The following MYO5B variants were observed in gnomAD, a reference collection of about 807,000 sequenced individuals.
MYO5B encodes the protein myosin VB, also known as unconventional myosin-Vb.
In MYO5B, 143 loss-of-function variants were observed where a neutral mutation model predicts 229.3. The ratio of observed to expected loss-of-function variants is 0.62; its 90% confidence interval spans 0.54 to 0.72. The LOEUF (loss-of-function observed/expected upper bound fraction) is 0.72, where lower values mean the gene tolerates loss of function less well. Ranked by LOEUF, MYO5B falls within the 30% of genes least tolerant of loss-of-function variation. The probability of loss-of-function intolerance (pLI) is 0.00; values close to 1 mark genes in which losing one functional copy is unlikely to be tolerated. For missense variants in MYO5B, 2,321 were observed against 2,331.0 expected (o/e 1.00, Z 0.09); for synonymous variants, 918 against 885.2 (o/e 1.04, Z -0.66).
intron 14 of MYO5B, among the ~76,000 whole-genome samples, chr18:49,951,080 C>A (rs79204072): frequency 6.6e-6 from 1 of 152,288 alleles, no homozygotes; most frequent in African/African-American, 2.4e-5. Context: ...CTCAGGTGAC[C>A]TTCCCTGGTA....
rs1181804237 is a variant in MYO5B at position 50,159,156 on chromosome 18, G to A, written c.27+35611C>T. Among the ~76,000 whole-genome samples, 5 of 152,202 alleles carry A rather than the reference G, an allele frequency of 3.3e-5. No homozygotes were observed. In the East Asian group the frequency reaches 9.7e-4, roughly 29 times the overall value. ...GAAAATAAACAGACCTAGTTGAGAA[G>A]GTGCACAGCCAGCCTCAAAGGTTAA... On this transcript the variant is annotated intron_variant, in intron 1 of 39. Coordinates refer to ENST00000285039, the MANE Select transcript of MYO5B (RefSeq NM_001080467.3).
chr18:50,148,909 T>C (rs1335942708), intron 1 of MYO5B, among the ~76,000 whole-genome samples: 2 of 152,340 alleles, frequency 1.3e-5, no homozygotes, highest in East Asian at 3.9e-4. Flanking sequence ...TGTTTGCAGA[T>C]GAAATGATTG....
intron 18 of MYO5B, among the ~76,000 whole-genome samples, chr18:49,911,445 A>G (rs2024956539): frequency 6.6e-6 from 1 of 152,222 alleles, no homozygotes; most frequent in Non-Finnish European, 1.5e-5. Flanking sequence ...CTCTAGATAA[A>G]CAAATGAAAA....
chr18:50,136,036 A>AAT (rs760161799), intron 1 of MYO5B, among the ~76,000 whole-genome samples: 1 of 152,242 alleles, frequency 6.6e-6, no homozygotes, highest in Non-Finnish European at 1.5e-5. Context: ...ACACAGCCTG[A>AAT]ATGCAGCAGG....
At chr18:49,844,946 G>A (rs1420772077) in intron 33 of MYO5B, among the ~76,000 whole-genome samples, 2 of 152,220 alleles carry the variant, frequency 1.3e-5, no homozygotes, top group East Asian at 1.9e-4. Flanking sequence ...GAGGTAGGTG[G>A]TCGGCAGTCA....
chr18:50,021,293 C>A (rs1280562169), intron 4 of MYO5B, among the ~76,000 whole-genome samples: 1 of 152,160 alleles, frequency 6.6e-6, no homozygotes, highest in African/African-American at 2.4e-5. Flanking sequence ...GCTAGAAGCA[C>A]AGGTTCTCCA....
intron 1 of MYO5B, among the ~76,000 whole-genome samples, chr18:50,116,338 T>G (rs527984684): frequency 6.6e-6 from 1 of 152,180 alleles, no homozygotes; most frequent in Non-Finnish European, 1.5e-5. Flanking sequence ...GCAGTCAGTC[T>G]GTAGAAGAAC....
chr18:49,904,944 C>A, intron 19 of MYO5B, 116 bp from the exon 20 acceptor site: 1 of 1,274,830 alleles, frequency 7.8e-7, no homozygotes, highest in Non-Finnish European at 1.1e-6. Context: ...TACCTGGACA[C>A]ACCCAGGGGA....
At chr18:50,181,946 A>T (rs78595862) in intron 1 of MYO5B, among the ~76,000 whole-genome samples, 13,893 of 152,262 alleles carry the variant, frequency 0.091, 992 homozygotes, top group African/African-American at 0.2. Context: ...ATGGGATAAG[A>T]TAAGGCAATT....
Position 49,877,750 on chromosome 18 carries a change from C to G in MYO5B, c.3396+13G>C. 6.2e-7 allele frequency: 1 copy of G among 1,613,890 alleles called. No individual in the cohort carries two copies. The highest frequency in any genetic ancestry group is 8.5e-7 in the Non-Finnish European group (1 of 1,179,852). ...CTGGAGGAGGACAGTACCCAAGAGCCTGCATCACTCACCTCCACCTGCTGG... is the reference window on the plus strand; with the variant it reads ...CTGGAGGAGGACAGTACCCAAGAGCGTGCATCACTCACCTCCACCTGCTGG... On this transcript the variant is annotated intron_variant, in intron 25 of 39. Coordinates refer to ENST00000285039, the MANE Select transcript of MYO5B (RefSeq NM_001080467.3).
intron 7 of MYO5B, among the ~76,000 whole-genome samples, chr18:49,989,561 G>A (rs745810274): frequency 6.6e-5 from 10 of 152,040 alleles, no homozygotes; most frequent in Non-Finnish European, 1.5e-4. Context: ...TGTGCCTGAA[G>A]ACTCAGCAGC....
chr18:49,853,761 A>C, intron 30 of MYO5B, 114 bp from the exon 31 acceptor site: 1 of 966,786 alleles, frequency 1.0e-6, no homozygotes, highest in Non-Finnish European at 1.6e-6. Context: ...CAGCGGTTGC[A>C]CATCCCCCAG....
chr18:50,076,003 C>T (rs41434445), intron 1 of MYO5B, among the ~76,000 whole-genome samples: 1,552 of 152,324 alleles, frequency 0.01, 29 homozygotes, highest in African/African-American at 0.034. Context: ...TTTGAATCCA[C>T]GAAGGCCTCA....
intron 1 of MYO5B, among the ~76,000 whole-genome samples, chr18:50,134,510 G>A (rs1337667561): frequency 7.9e-5 from 12 of 151,900 alleles, no homozygotes; most frequent in East Asian, 7.7e-4. Flanking sequence ...AGCCGAGATC[G>A]CGCCATTGCA....
At chr18:50,086,393 G>A (rs12185480) in intron 1 of MYO5B, among the ~76,000 whole-genome samples, 33,937 of 144,536 alleles carry the variant, frequency 0.23, 3,946 homozygotes, top group African/African-American at 0.35. Flanking sequence ...CATATACTAC[G>A]TATTCTACAT....
intron 29 of MYO5B, among the ~76,000 whole-genome samples, chr18:49,862,806 G>A (rs995298580): frequency 7.2e-5 from 11 of 152,166 alleles, no homozygotes; most frequent in African/African-American, 2.7e-4. Context: ...ATGACAGAGG[G>A]TGGGCCCCCA....
intron 1 of MYO5B, among the ~76,000 whole-genome samples, chr18:50,184,941 G>A (rs1006093829): frequency 6.6e-6 from 1 of 151,678 alleles, no homozygotes; most frequent in African/African-American, 2.4e-5. Context: ...GCTGGGCATG[G>A]TGTCGCATGC....
chr18:50,018,273 T>G (rs2026237087), intron 4 of MYO5B, among the ~76,000 whole-genome samples: 1 of 132,366 alleles, frequency 7.6e-6, no homozygotes, highest in African/African-American at 2.9e-5. Context: ...TCCTTTTGCT[T>G]GCTCATACAT....
chr18:49,974,370 G>C lies in MYO5B; in HGVS notation c.1302C>G (p.Ile434Met), dbSNP rs776785214. 1 of 1,614,092 alleles carries C rather than the reference G, an allele frequency of 6.2e-7. No individual in the cohort carries two copies. The highest frequency in any genetic ancestry group is 1.7e-5 in the Admixed American group (1 of 60,000). ...LHTSLKQHSF[I>M]GVLDIYGFET... ...CCTACCCATAGATGTCCAGGACCCC[G>C]ATGAAGGAGTGCTGCTTGAGGGAGG... Residue 434 changes from isoleucine (I) to methionine (M), a missense_variant, in exon 10 of 40, where the codon ATC (isoleucine) becomes ATG (methionine). Ile to Met is a conservative substitution (Grantham distance 10). Coordinates refer to ENST00000285039, the MANE Select transcript of MYO5B (RefSeq NM_001080467.3).
Sources: gnomAD v4.1 joint callset for allele counts (sites outside exome capture counted in the v4.1 genomes callset) on GRCh38, gnomAD v4.1.1 for gene constraint, MANE v1.5 for transcripts, NCBI Gene and HGNC (gene_info 2026-07-23, HGNC 2026-07-21) for gene names.